MTA3: variants seen among roughly 807,000 people sequenced by gnomAD.
The protein encoded by MTA3 is metastasis-associated protein MTA3.
A neutral mutation model predicts 83.5 loss-of-function variants in MTA3; 34 were observed. The ratio of observed to expected loss-of-function variants is 0.41; its 90% CI spans 0.31 to 0.54. The LOEUF (loss-of-function observed/expected upper bound fraction) is 0.54, where lower values mean the gene tolerates loss of function less well. Ranked by LOEUF, MTA3 falls within the 20% of genes least tolerant of loss-of-function variation. The pLI is 0.33. For synonymous variants in MTA3, 303 were observed against 252.7 expected (o/e 1.20, Z -1.89); for missense variants, 761 against 726.4 (o/e 1.05, Z -0.55).
chr2:42,604,140 C>G (rs1249319083), intron 3 of MTA3, among the ~76,000 whole-genome samples: 1 of 151,836 alleles, frequency 6.6e-6, no homozygotes, highest in Non-Finnish European at 1.5e-5. Flanking sequence ...CTCCTGGGTT[C>G]AAGCGATTCT....
intron 4 of MTA3, among the ~76,000 whole-genome samples, chr2:42,633,358 C>T (rs1349353589): frequency 1.3e-5 from 2 of 151,242 alleles, no homozygotes; most frequent in South Asian, 2.1e-4. Flanking sequence ...CAAGGAGGAT[C>T]GCTTGATCCT....
At chr2:42,520,038 G>A (rs1260893207) in intron 2 of MTA3, among the ~76,000 whole-genome samples, 1 of 152,132 alleles carries the variant, frequency 6.6e-6, no homozygotes, top group African/African-American at 2.4e-5. Context: ...GCCAGACCTT[G>A]TCTCAAAAAA....
chr2:42,712,495 T>C (rs978051861), intron 14 of MTA3, among the ~76,000 whole-genome samples: 5 of 151,974 alleles, frequency 3.3e-5, no homozygotes, highest in African/African-American at 1.2e-4. Context: ...CTATGAAAAA[T>C]TTATTTTTTA....
At chr2:42,560,592 AACACAC>A (rs368564576) in intron 2 of MTA3, among the ~76,000 whole-genome samples, 1 of 149,306 alleles carries the variant, frequency 6.7e-6, no homozygotes. Context: ...AAACAAACAA[AACACAC>A]ACACACACAC....
chr2:42,549,188 A>T (rs1220832233), intron 2 of MTA3, among the ~76,000 whole-genome samples: 4 of 136,184 alleles, frequency 2.9e-5, no homozygotes, highest in South Asian at 4.3e-4. Context: ...TATATATATA[A>T]TATATATATG....
At chr2:42,728,880 G>A (rs550164896) in intron 16 of MTA3, among the ~76,000 whole-genome samples, 2 of 152,198 alleles carry the variant, frequency 1.3e-5, no homozygotes, top group African/African-American at 4.8e-5. Context: ...ATGGATAGCA[G>A]ATATTTTCTC....
intron 3 of MTA3, among the ~76,000 whole-genome samples, chr2:42,594,234 C>T (rs1392451209): frequency 1.6e-5 from 2 of 128,552 alleles, no homozygotes; most frequent in Non-Finnish European, 3.2e-5. Flanking sequence ...GGGAGCCATG[C>T]GCCAGGCCCC....
At chr2:42,685,681 G>A (rs1386874760) in intron 9 of MTA3, among the ~76,000 whole-genome samples, 1 of 152,112 alleles carries the variant, frequency 6.6e-6, no homozygotes, top group African/African-American at 2.4e-5. Flanking sequence ...TTGTTGAAGG[G>A]CCAGTCTTGA....
intron 3 of MTA3, among the ~76,000 whole-genome samples, chr2:42,589,818 T>C (rs1024133095): frequency 2.0e-5 from 3 of 152,324 alleles, no homozygotes; most frequent in Middle Eastern, 3.4e-3. Flanking sequence ...ATATCTGGGT[T>C]AGAGGCTTCT....
At chr2:42,576,595 C>T (rs1163547705) in intron 2 of MTA3, among the ~76,000 whole-genome samples, 1 of 150,976 alleles carries the variant, frequency 6.6e-6, no homozygotes, top group African/African-American at 2.4e-5. Flanking sequence ...TAAGACCCCC[C>T]ATCTCTGAAA....
chr2:42,548,164 G>T (rs1386480765), intron 2 of MTA3, among the ~76,000 whole-genome samples: 4 of 152,110 alleles, frequency 2.6e-5, no homozygotes, highest in Non-Finnish European at 5.9e-5. Context: ...TTAACCTGAG[G>T]TCTAAAAATA....
rs1162559713 is a variant in MTA3, at chr2:42,577,105, A to AATATAT, written c.97-1978_97-1973dup. Among the ~76,000 whole-genome samples, 4 of 86,920 alleles carry AATATAT rather than the reference A, an allele frequency of 4.6e-5. No individual in the cohort carries two copies. The South Asian group carries it at 1.6e-3, about 35-fold the overall frequency. 57.0% of individuals were successfully genotyped at this position (86,920 alleles called of 152,430 possible). On this transcript the variant is annotated intron_variant, in intron 2 of 16. Transcript: ENST00000405094. ...GGTACTCCATCTAAAAAAAAAAAAA[A>AATATAT]ATATATATATATATATATATATATA...
At chr2:42,555,455 C>CAAAAAAA (rs146740409) in intron 2 of MTA3, among the ~76,000 whole-genome samples, 3 of 54,330 alleles carry the variant, frequency 5.5e-5, no homozygotes, top group Admixed American at 2.8e-4. Flanking sequence ...AACTCCATCT[C>CAAAAAAA]AAAAAAAAAA....
At chr2:42,596,272 C>G (rs997731727) in intron 3 of MTA3, among the ~76,000 whole-genome samples, 4 of 152,198 alleles carry the variant, frequency 2.6e-5, no homozygotes, top group Non-Finnish European at 2.9e-5. Context: ...CAGGGCCCAA[C>G]CAAGATACTG....
chr2:42,497,447 T>A (rs1674188824), intron 2 of MTA3, among the ~76,000 whole-genome samples: 2 of 151,452 alleles, frequency 1.3e-5, no homozygotes. Context: ...TAGCTGGGCG[T>A]GGTGGTGCGC....
chr2:42,598,229 C>T (rs980592554), intron 3 of MTA3, among the ~76,000 whole-genome samples: 1 of 151,966 alleles, frequency 6.6e-6, no homozygotes, highest in African/African-American at 2.4e-5. Flanking sequence ...CCACACCCAG[C>T]TAATTTTTTG....
At chr2:42,515,320 A>G (rs1572906031) in intron 2 of MTA3, among the ~76,000 whole-genome samples, 2 of 151,946 alleles carry the variant, frequency 1.3e-5, no homozygotes, top group African/African-American at 4.8e-5. Context: ...CAGCCTCCCA[A>G]AGTGCTGGGA....
chr2:42,665,167 A>G (rs1234352341), intron 8 of MTA3, among the ~76,000 whole-genome samples: 1 of 152,216 alleles, frequency 6.6e-6, no homozygotes, highest in African/African-American at 2.4e-5. Context: ...TGGGAGGCCA[A>G]GGCAGGTGGG....
chr2:42,711,271 C>T (rs189706456), intron 14 of MTA3, among the ~76,000 whole-genome samples: 35 of 152,144 alleles, frequency 2.3e-4, no homozygotes, highest in Non-Finnish European at 2.9e-5. Context: ...AGTTAATTTG[C>T]ACATTATCTT....
Sources: allele counts gnomAD v4.1 joint callset (sites outside exome capture counted in the v4.1 genomes callset), GRCh38; gene constraint gnomAD v4.1.1; transcripts MANE v1.5; gene names NCBI Gene and HGNC (gene_info 2026-07-23, HGNC 2026-07-21).